Variants in ABHD1 observed in about 807,000 individuals in gnomAD.
The protein encoded by ABHD1 is abhydrolase domain containing 1.
A neutral mutation model predicts 41.4 loss-of-function variants in ABHD1; 47 were observed. The ratio of observed to expected loss-of-function variants is 1.13; its 90% CI spans 0.90 to 1.45. ABHD1 has a LOEUF of 1.45. ABHD1 is among the 40% of genes most tolerant of loss of function. The pLI is 0.00. For missense variants in ABHD1, 550 were observed against 503.4 expected (o/e 1.09, Z -0.89); for synonymous variants, 205 against 203.7 (o/e 1.01, Z -0.05).
intron 1 of ABHD1, 69 bp downstream of exon 1, chr2:27,124,131 G>C: frequency 7.1e-7 from 1 of 1,417,458 alleles, no homozygotes. Flanking sequence ...CACGGGCTTG[G>C]GCCCTTGGTG....
At chr2:27,127,650 C>T (rs1330127819) in intron 1 of ABHD1, among the ~76,000 whole-genome samples, 3 of 151,204 alleles carry the variant, frequency 2.0e-5, no homozygotes, top group Non-Finnish European at 4.4e-5. Flanking sequence ...CAACCTCTGC[C>T]TCCCGGGTTC....
chr2:27,129,206 A>G (rs917715504), intron 3 of ABHD1, 79 bp downstream of exon 3: 32 of 1,592,108 alleles, frequency 2.0e-5, no homozygotes, highest in Middle Eastern at 1.7e-4. Flanking sequence ...ACACTGATAG[A>G]TAAGAAGAAT....
chr2:27,129,465 C>T lies in ABHD1; in HGVS notation c.505-49C>T, dbSNP rs749333839. 1.4e-5 allele frequency: 22 copies of T among 1,612,362 alleles called. No homozygotes were observed. In the East Asian group the frequency reaches 4.9e-4, roughly 36 times the overall value. ...TATCCTTCCTCAGTTTCCCCTCCAC[C>T]TTCTGGCCACGGTCTCCCTCCCTAC... On this transcript the variant is annotated intron_variant, in intron 4 of 8. Coordinates refer to ENST00000316470, the MANE Select transcript of ABHD1 (RefSeq NM_032604.4).
chr2:27,130,567 C>T lies in ABHD1; in HGVS notation c.1041C>T (p.Tyr347=), dbSNP rs375623791. ...LPIQAAQHSP[Y]VALLITARGG... The stretch of plus-strand genomic sequence containing the variant: ...TACAGGCCGCCCAACACTCCCCCTA[C>T]GTTGCGCTGCTCATCACAGCCCGGG... Residue 347 remains tyrosine, a synonymous_variant, in exon 9 of 9, where the codon TAC becomes TAT. Transcript: ENST00000316470. The T allele has an allele frequency of 1.3e-5, 21 of 1,614,074 alleles. No individual in the cohort carries two copies. The highest frequency in any genetic ancestry group is 8.9e-5 in the East Asian group (4 of 44,888).
chr2:27,130,156 A>G lies in ABHD1; in HGVS notation c.840+3A>G, dbSNP rs375982115. 159 of 1,614,068 alleles carry G rather than the reference A, an allele frequency of 9.9e-5. No individual in the cohort carries two copies. The highest frequency in any genetic ancestry group is 1.3e-4 in the Non-Finnish European group (151 of 1,180,026). On this transcript the variant is annotated splice_donor_region_variant and intron_variant, in intron 7 of 8. Transcript: ENST00000316470. The stretch of plus-strand genomic sequence containing the variant: ...TGGACATAGACTTTGTACTACAGGT[A>G]TAATATTCAGCCATGCCCCTGGTTC...
At chr2:27,127,719 G>A (rs921225920) in intron 1 of ABHD1, among the ~76,000 whole-genome samples, 5 of 151,422 alleles carry the variant, frequency 3.3e-5, no homozygotes. Context: ...TCACCACCAT[G>A]CCTGGCTAAT....
chr2:27,130,088 C>G lies in ABHD1; in HGVS notation c.792-17C>G. The G allele has an allele frequency of 1.2e-6, 2 of 1,614,170 alleles. No homozygotes were observed. The highest frequency in any genetic ancestry group is 1.7e-6 in the Non-Finnish European group (2 of 1,180,022). ...TCAGATCCAGGTGTCAAGCCAAACT[C>G]TTATGTACTTTTGCAGAAACAGAAA... On this transcript the variant is annotated splice_polypyrimidine_tract_variant and intron_variant, in intron 6 of 8. Transcript: ENST00000316470.
At chr2:27,128,634 C>T in intron 2 of ABHD1, 33 bp downstream of exon 2, 1 of 1,606,534 alleles carries the variant, frequency 6.2e-7, no homozygotes, top group Non-Finnish European at 8.5e-7. Flanking sequence ...GAACATGAAA[C>T]CCCAGGTATC....
At chr2:27,129,461 C>A in intron 4 of ABHD1, 53 bp from the exon 5 acceptor site, 1 of 1,612,228 alleles carries the variant, frequency 6.2e-7, no homozygotes, top group South Asian at 1.1e-5. Context: ...AGTTTCCCCT[C>A]CACCTTCTGG....
At chr2:27,129,194 G>A (rs191305596) in intron 3 of ABHD1, 67 bp downstream of exon 3, 80 of 1,591,264 alleles carry the variant, frequency 5.0e-5, no homozygotes, top group Admixed American at 8.5e-5. Context: ...AAGTCAATCC[G>A]GACACTGATA....
chr2:27,128,170 A>C (rs1382162926), intron 1 of ABHD1, among the ~76,000 whole-genome samples: 1 of 152,186 alleles, frequency 6.6e-6, no homozygotes, highest in Non-Finnish European at 1.5e-5. Flanking sequence ...GCTGAGCAGG[A>C]AAGTCAGCAC....
In ABHD1 at chr2:27,129,620, T is replaced by C. The variant is rs1204219227; in HGVS notation, c.611T>C (p.Phe204Ser). 4 of 1,612,816 alleles carry C rather than the reference T, an allele frequency of 2.5e-6. No individual in the cohort carries two copies. The highest frequency in any genetic ancestry group is 2.2e-5 in the South Asian group (2 of 91,088). ...CCACTGCTGGCCGTGGGCATCTCTTTTGGAGGGTAAAGATTGCCTGGGCTT... is the reference window on the plus strand; with the variant it reads ...CCACTGCTGGCCGTGGGCATCTCTTCTGGAGGGTAAAGATTGCCTGGGCTT... ...QAPLLAVGIS[F>S]GGILVLNHLA... The change falls in exon 5 of 9, where the codon TTT (phenylalanine) becomes TCT (serine). Residue 204 changes from phenylalanine (F) to serine (S), a missense_variant. Phe to Ser is a radical substitution (Grantham distance 155). Coordinates refer to ENST00000316470, the MANE Select transcript of ABHD1 (RefSeq NM_032604.4).
intron 6 of ABHD1, 52 bp from the exon 7 acceptor site, chr2:27,130,053 G>C: frequency 1.2e-6 from 2 of 1,612,452 alleles, no homozygotes; most frequent in Non-Finnish European, 1.7e-6. Context: ...CAGGGCCTGG[G>C]GGTGGGGGAT....
In ABHD1 at chr2:27,130,617, G is replaced by C; in HGVS notation, c.1091G>C (p.Gly364Ala). Reference protein sequence around the residue: ...ARGGHIGFLEGLLPWQHWYMS... With the variant: ...ARGGHIGFLEALLPWQHWYMS... ...GGTGGCCACATCGGCTTCCTGGAAG[G>C]GCTGCTCCCGTGGCAGCACTGGTAC... Residue 364 changes from glycine (G) to alanine (A), a missense_variant, in exon 9 of 9, where the codon GGG becomes GCG. Physicochemically the swap from Gly to Ala is moderately conservative, Grantham distance 60 (BLOSUM62 0). Transcript: ENST00000316470. The C allele has an allele frequency of 6.2e-7, 1 of 1,614,126 alleles. No individual in the cohort carries two copies. The highest frequency in any genetic ancestry group is 8.5e-7 in the Non-Finnish European group (1 of 1,180,028).
At chr2:27,128,628 A>G in intron 2 of ABHD1, 27 bp downstream of exon 2, 7 of 1,608,738 alleles carry the variant, frequency 4.4e-6, no homozygotes, top group Non-Finnish European at 6.0e-6. Context: ...CAGGGTGAAC[A>G]TGAAACCCCA....
rs1671863673 is a variant in ABHD1, at chr2:27,124,255, C to T, written c.114+193C>T. ...CATGTGATCCCCATGCCAGCTGGGC[C>T]TTTTGGGTACCGGAGGGTGCTGCTC... On this transcript the variant is annotated intron_variant, in intron 1 of 8. Coordinates refer to ENST00000316470, the MANE Select transcript of ABHD1 (RefSeq NM_032604.4). 8.7e-6 allele frequency: 6 copies of T among 689,290 alleles called. No individual in the cohort carries two copies. In the East Asian group the frequency reaches 1.7e-4, roughly 19 times the overall value. 42.7% of individuals were successfully genotyped at this position (689,290 alleles called of 1,614,324 possible).
At chr2:27,125,582 C>T (rs1274788670) in intron 1 of ABHD1, 1 of 152,104 alleles carries the variant, frequency 6.6e-6, no homozygotes, top group Non-Finnish European at 1.5e-5. Flanking sequence ...ACTACTGGGC[C>T]GTTTGACCAA....
Position 27,129,057 on chromosome 2 carries a change from G to A in ABHD1, c.388G>A (p.Gly130Ser). 1 of 1,614,102 alleles carries A rather than the reference G, an allele frequency of 6.2e-7. No homozygotes were observed. ...CCAGCCCATTGTGCTGCTGCTTCCT[G>A]GCATCACTGGCAGTAGCCAGGAGAC... ...TTQPIVLLLPGITGSSQETYV... is the reference protein window; with the variant it reads ...TTQPIVLLLPSITGSSQETYV... The change falls in exon 3 of 9, where the codon GGC becomes AGC. Residue 130 changes from glycine to serine, a missense_variant. Physicochemically the swap from Gly to Ser is moderately conservative, Grantham distance 56. Transcript: ENST00000316470.
chr2:27,125,898 C>T (rs1402960758), intron 1 of ABHD1: 2 of 46,380 alleles, frequency 4.3e-5, no homozygotes, highest in Non-Finnish European at 7.7e-5. Context: ...AAAACTCCGT[C>T]TCAAAAAAAA....
Sources: allele counts gnomAD v4.1 joint callset (sites outside exome capture counted in the v4.1 genomes callset), GRCh38; gene constraint gnomAD v4.1.1; transcripts MANE v1.5; gene names NCBI Gene and HGNC (gene_info 2026-07-23, HGNC 2026-07-21).